The following SPATA31D1 variants were observed in gnomAD, a reference collection of about 807,000 sequenced individuals.
SPATA31D1 encodes the protein SPATA31 subfamily D member 1.
SPATA31D1 carries 6 observed loss-of-function variants against 13.2 expected under a neutral mutation model. The observed-to-expected ratio is 0.46, with a 90% CI of 0.25 to 0.90. The LOEUF is 0.90. SPATA31D1 is among the 40% of genes least tolerant of loss of function. SPATA31D1 has a pLI of 0.18. For missense variants in SPATA31D1, 2,445 were observed against 1,884.7 expected (o/e 1.30, Z -5.50); for synonymous variants, 903 against 718.8 (o/e 1.26, Z -4.10).
chr9:81,989,130 A>C, intron 1 of SPATA31D1, 126 bp downstream of exon 1: 1 of 1,394,474 alleles, frequency 7.2e-7, no homozygotes, highest in Non-Finnish European at 9.6e-7. Flanking sequence ...TGAAGAGAGG[A>C]TAGAACTTCA....
Position 81,990,484 on chromosome 9 carries a change from A to G in SPATA31D1, c.300A>G (p.Lys100=). 1 of 1,603,548 alleles carries G rather than the reference A, an allele frequency of 6.2e-7. No homozygotes were observed. The highest frequency in any genetic ancestry group is 8.5e-7 in the Non-Finnish European group (1 of 1,174,604). The stretch of plus-strand genomic sequence containing the variant: ...AAAGGAAGCTGCTTTCTCTTCTGAA[A>G]AGGTGATTAATCTTTCCCTTTGTGT... The part of the protein sequence containing the change: ...EEERKLLSLL[K]SFGPPVSCSP... The change falls in exon 3 of 4, where the codon AAA becomes AAG. Residue 100 remains lysine (K), a splice_region_variant and synonymous_variant. Transcript: ENST00000344803.
upstream of SPATA31D1, among the ~76,000 whole-genome samples, chr9:81,987,927 A>T (rs1000657091): frequency 2.6e-5 from 4 of 152,218 alleles, no homozygotes; most frequent in African/African-American, 9.6e-5. Flanking sequence ...TCACAGCCCA[A>T]ATTTCTGCCA....
At position 81,993,573 on chromosome 9, in the gene SPATA31D1, G is replaced by A. The variant is rs373293574; in HGVS notation, c.3103G>A (p.Glu1035Lys). ...AAGAGGTACTACAGATTTTCAAAGC[G>A]AAAAATTAGATTCAACAAGCTCATT... ...LRRGTTDFQS[E>K]KLDSTSSFPI... The change falls in exon 4 of 4, where the codon GAA becomes AAA. Residue 1035 changes from glutamate (E) to lysine (K), a missense_variant. Physicochemically the swap from Glu to Lys is moderately conservative, Grantham distance 56. Coordinates refer to ENST00000344803, the MANE Select transcript of SPATA31D1 (RefSeq NM_001001670.3). 2.8e-5 allele frequency: 45 copies of A among 1,613,834 alleles called. 1 individual carries two copies. In the South Asian group the frequency reaches 3.0e-4, roughly 11 times the overall value.
chr9:81,991,544 G>C lies in SPATA31D1; in HGVS notation c.1074G>C (p.Trp358Cys), dbSNP rs775544605. The change falls in exon 4 of 4, where the codon TGG (tryptophan) becomes TGC (cysteine). Residue 358 changes from tryptophan (W) to cysteine (C), a missense_variant. Trp to Cys is a radical substitution (Grantham distance 215, BLOSUM62 -2). Coordinates refer to ENST00000344803, the MANE Select transcript of SPATA31D1 (RefSeq NM_001001670.3). ...HSHLASSEFT[W>C]WQPHAKDSFS... ...ACCTTGCATCTTCAGAATTCACCTG[G>C]TGGCAGCCTCATGCCAAGGACTCTT... The C allele has an allele frequency of 3.7e-6, 6 of 1,613,992 alleles. No individual in the cohort carries two copies. The highest frequency in any genetic ancestry group is 1.7e-5 in the Admixed American group (1 of 60,018).
In SPATA31D1 at chr9:81,993,762, GACGAAGTCAGTCAGAAACAGACTGTACT is replaced by G. The variant is rs751476506; in HGVS notation, c.3293_3320del (p.Asp1098GlyfsTer11). 3 of 1,613,886 alleles carry G rather than the reference GACGAAGTCAGTCAGAAACAGACTGTACT, an allele frequency of 1.9e-6. No individual in the cohort carries two copies. In the African/African-American group the frequency reaches 4.0e-5, roughly 22 times the overall value. On this transcript the variant is annotated frameshift_variant, in exon 4 of 4. Coordinates refer to ENST00000344803, the MANE Select transcript of SPATA31D1 (RefSeq NM_001001670.3). LOFTEE classifies it low-confidence loss of function (END_TRUNC). ...TCTGCCCCCGCCACACAGCATCGTA[GACGAAGTCAGTCAGAAACAGACTGTACT>G]GGCCAGTAGATGCAGCGCAGAGCTG...
chr9:81,993,883 A>G lies in SPATA31D1; in HGVS notation c.3413A>G (p.Asp1138Gly), dbSNP rs754210045. The G allele has an allele frequency of 2.0e-5, 32 of 1,613,898 alleles. No homozygotes were observed. The highest frequency in any genetic ancestry group is 2.7e-5 in the Non-Finnish European group (32 of 1,179,902). Residue 1138 changes from aspartate (D) to glycine (G), a missense_variant, in exon 4 of 4, where the codon GAC (aspartate) becomes GGC (glycine). By Grantham distance (94) the Asp-to-Gly change is moderately conservative (BLOSUM62 -1). Transcript: ENST00000344803. ...AGAAAGAGTTCCTTTCATAATGTAGACAGGCTTCAGGGCAGTAGAAAGACC... is the reference window on the plus strand; with the variant it reads ...AGAAAGAGTTCCTTTCATAATGTAGGCAGGCTTCAGGGCAGTAGAAAGACC... ...DKRKSSFHNV[D>G]RLQGSRKTFP...
Position 81,992,006 on chromosome 9 carries a change from C to T in SPATA31D1, c.1536C>T (p.Ser512=), listed in dbSNP as rs779704681. The T allele has an allele frequency of 2.2e-5, 36 of 1,613,662 alleles. No individual in the cohort carries two copies. The highest frequency in any genetic ancestry group is 1.8e-4 in the Admixed American group (11 of 59,998). ...QLFWGLPSLH[S]ESLHPTVLVQ... is the part of the protein sequence containing the mutation. ...TCTGGGGTCTCCCATCTTTGCACAG[C>T]GAGTCTCTGCATCCTACTGTTCTTG... Residue 512 remains serine, a synonymous_variant, in exon 4 of 4, where the codon AGC becomes AGT. Transcript: ENST00000344803.
chr9:81,989,094 CAG>C, intron 1 of SPATA31D1, 90 bp downstream of exon 1: 1 of 1,518,476 alleles, frequency 6.6e-7, no homozygotes, highest in Non-Finnish European at 8.8e-7. Context: ...TTGGTTGGTA[CAG>C]AGACATGTTT....
In SPATA31D1 at chr9:81,994,142, C is replaced by T. The variant is rs12340419; in HGVS notation, c.3672C>T (p.Asp1224=). Residue 1224 remains aspartate, a synonymous_variant, in exon 4 of 4, where the codon GAC becomes GAT. Coordinates refer to ENST00000344803, the MANE Select transcript of SPATA31D1 (RefSeq NM_001001670.3). ...KHSQPQSHFT[D]MSFALDNLSS... is the part of the protein sequence containing the mutation. ...GCCAACCTCAGAGCCATTTCACTGACATGTCTTTTGCCTTAGATAACTTGA... is the reference window on the plus strand; with the variant it reads ...GCCAACCTCAGAGCCATTTCACTGATATGTCTTTTGCCTTAGATAACTTGA... 118,136 of 1,613,900 alleles carry T rather than the reference C, an allele frequency of 0.073. 4,825 individuals carry two copies. The highest frequency in any genetic ancestry group is 0.099 in the African/African-American group (7,435 of 75,022).
At position 81,994,648 on chromosome 9, in the gene SPATA31D1, G is replaced by C; in HGVS notation, c.4178G>C (p.Arg1393Thr). ...GTGCAGAATATTGGTCGAGTTATAAGAGCTGCCTTTACTGGGACTACTGAA... is the reference window on the plus strand; with the variant it reads ...GTGCAGAATATTGGTCGAGTTATAACAGCTGCCTTTACTGGGACTACTGAA... ...SCVQNIGRVI[R>T]AAFTGTTEAQ... is the part of the protein sequence containing the mutation. The change falls in exon 4 of 4, where the codon AGA becomes ACA. Residue 1393 changes from arginine (R) to threonine (T), a missense_variant. Coordinates refer to ENST00000344803, the MANE Select transcript of SPATA31D1 (RefSeq NM_001001670.3). 2 of 1,613,424 alleles carry C rather than the reference G, an allele frequency of 1.2e-6. No homozygotes were observed. Among genetic ancestry groups the C allele is most frequent in the Non-Finnish European group, 1.7e-6 (2 of 1,179,612 alleles).
Position 81,993,723 on chromosome 9 carries a change from G to T in SPATA31D1, c.3253G>T (p.Gly1085Cys), listed in dbSNP as rs770286829. 13 of 1,613,884 alleles carry T rather than the reference G, an allele frequency of 8.1e-6. No homozygotes were observed. In the East Asian group the frequency reaches 2.0e-4, roughly 25 times the overall value. Residue 1085 changes from glycine to cysteine, a missense_variant, in exon 4 of 4, where the codon GGC (glycine) becomes TGC (cysteine). By Grantham distance (159) the Gly-to-Cys change is radical. Transcript: ENST00000344803. Reference protein sequence around the residue: ...LTESVRTTEDGRQTFLPPPHS... With the variant: ...LTESVRTTEDCRQTFLPPPHS... ...AGAAAGTGTCCGGACAACAGAGGATGGCAGACAGACTTTTCTGCCCCCGCC... is the reference window on the plus strand; with the variant it reads ...AGAAAGTGTCCGGACAACAGAGGATTGCAGACAGACTTTTCTGCCCCCGCC...
At position 81,992,373 on chromosome 9, in the gene SPATA31D1, A is replaced by T; in HGVS notation, c.1903A>T (p.Ser635Cys). ...EWNVLQKVQE[S>C]LWGLPSVVQK... The stretch of plus-strand genomic sequence containing the variant: ...GAACGTGTTGCAGAAAGTGCAGGAA[A>T]GTTTGTGGGGCTTACCCTCTGTGGT... The change falls in exon 4 of 4, where the codon AGT becomes TGT. Residue 635 changes from serine to cysteine, a missense_variant. Ser to Cys is a moderately radical substitution (Grantham distance 112). Transcript: ENST00000344803. The T allele has an allele frequency of 6.2e-7, 1 of 1,613,818 alleles. No homozygotes were observed. Among genetic ancestry groups the T allele is most frequent in the Non-Finnish European group, 8.5e-7 (1 of 1,179,736 alleles).
At chr9:81,990,311 C>T in intron 2 of SPATA31D1, 106 bp from the exon 3 acceptor site, 2 of 774,234 alleles carry the variant, frequency 2.6e-6, no homozygotes, top group Non-Finnish European at 4.1e-6. Context: ...CCCTTTTCTA[C>T]TGATTCTTGG....
rs758094957 is a variant in SPATA31D1, at chr9:81,992,109, C to T, written c.1639C>T (p.Leu547Phe). ...ATCTATATCCCATGAATCCCCAGTA[C>T]TTCCCCCTCCCCAACCTCTGTCCTT... ...NTSISHESPV[L>F]PPPQPLSLPS... Residue 547 changes from leucine (L) to phenylalanine (F), a missense_variant, in exon 4 of 4, where the codon CTT (leucine) becomes TTT (phenylalanine). Coordinates refer to ENST00000344803, the MANE Select transcript of SPATA31D1 (RefSeq NM_001001670.3). 2 of 1,613,738 alleles carry T rather than the reference C, an allele frequency of 1.2e-6. No individual in the cohort carries two copies. Among genetic ancestry groups the T allele is most frequent in the Admixed American group, 1.7e-5 (1 of 60,018 alleles).
Position 81,991,311 on chromosome 9 carries a change from G to C in SPATA31D1, c.841G>C (p.Asp281His), listed in dbSNP as rs1011110966. 1 of 1,614,022 alleles carries C rather than the reference G, an allele frequency of 6.2e-7. No individual in the cohort carries two copies. Among genetic ancestry groups the C allele is most frequent in the Non-Finnish European group, 8.5e-7 (1 of 1,179,902 alleles). Residue 281 changes from aspartate (D) to histidine (H), a missense_variant, in exon 4 of 4, where the codon GAT (aspartate) becomes CAT (histidine). Physicochemically the swap from Asp to His is moderately conservative, Grantham distance 81. Transcript: ENST00000344803. ...TTCATTTGGCTCCACCCTATGCCAAGATATTTCGCAGGCCATGAATCCCAT... is the reference window on the plus strand; with the variant it reads ...TTCATTTGGCTCCACCCTATGCCAACATATTTCGCAGGCCATGAATCCCAT... ...IFSFGSTLCQ[D>H]ISQAMNPIDS... is the part of the protein sequence containing the mutation.
chr9:81,988,769 C>G, upstream of SPATA31D1: 2 of 1,611,548 alleles, frequency 1.2e-6, no homozygotes, highest in Non-Finnish European at 1.7e-6. Flanking sequence ...ATAGTTAAGC[C>G]TGGGCACCCT....
In SPATA31D1 at chr9:81,994,993, A is replaced by G. The variant is rs1222154626; in HGVS notation, c.4523A>G (p.Lys1508Arg). The G allele has an allele frequency of 6.2e-7, 1 of 1,613,994 alleles. No individual in the cohort carries two copies. The highest frequency in any genetic ancestry group is 1.1e-5 in the South Asian group (1 of 91,076). The change falls in exon 4 of 4, where the codon AAG becomes AGG. Residue 1508 changes from lysine to arginine, a missense_variant. Transcript: ENST00000344803. ...CAGAAAGTTGAGGCATTTAAGGGGA[A>G]GATACTGTGTCAAAGCCATCCCCAA... ...QPQKVEAFKG[K>R]ILCQSHPQSM... is the part of the protein sequence containing the mutation.
At position 81,992,128 on chromosome 9, in the gene SPATA31D1, T is replaced by C. The variant is rs762868326; in HGVS notation, c.1658T>C (p.Leu553Pro). 1 of 1,613,750 alleles carries C rather than the reference T, an allele frequency of 6.2e-7. No homozygotes were observed. Among genetic ancestry groups the C allele is most frequent in the South Asian group, 1.1e-5 (1 of 91,066 alleles). The change falls in exon 4 of 4, where the codon CTG (leucine) becomes CCG (proline). Residue 553 changes from leucine to proline, a missense_variant. Physicochemically the swap from Leu to Pro is moderately conservative, Grantham distance 98 (BLOSUM62 -3). Coordinates refer to ENST00000344803, the MANE Select transcript of SPATA31D1 (RefSeq NM_001001670.3). ...ESPVLPPPQPLSLPSTQPLPL... is the reference protein window; with the variant it reads ...ESPVLPPPQPPSLPSTQPLPL... ...CCAGTACTTCCCCCTCCCCAACCTC[T>C]GTCCTTGCCTAGTACCCAACCACTA...
chr9:81,989,559 G>C (rs1193313493), intron 1 of SPATA31D1, among the ~76,000 whole-genome samples: 1 of 152,184 alleles, frequency 6.6e-6, no homozygotes, highest in African/African-American at 2.4e-5. Context: ...TACATCAAGT[G>C]TGGCTCTCAC....
Sources: gnomAD v4.1 joint callset for allele counts (sites outside exome capture counted in the v4.1 genomes callset) on GRCh38, gnomAD v4.1.1 for gene constraint, MANE v1.5 for transcripts, NCBI Gene and HGNC (gene_info 2026-07-23, HGNC 2026-07-21) for gene names.